PCDHA9: variants seen among roughly 807,000 people sequenced by gnomAD.
The protein encoded by PCDHA9 is protocadherin alpha-9.
A neutral mutation model predicts 62.0 loss-of-function variants in PCDHA9; 62 were observed. The observed-to-expected ratio is 1.00, with a 90% CI of 0.81 to 1.23. The LOEUF (loss-of-function observed/expected upper bound fraction) is 1.23, where lower values mean the gene tolerates loss of function less well. PCDHA9 is among the 50% of genes most tolerant of loss of function. PCDHA9 has a pLI of 0.00. For missense variants in PCDHA9, 1,205 were observed against 1,249.8 expected (o/e 0.96, Z 0.54); for synonymous variants, 557 against 567.6 (o/e 0.98, Z 0.27).
chr5:140,882,182 G>GACT (rs1284192603), intron 1 of PCDHA9: 2 of 1,518,394 alleles, frequency 1.3e-6, no homozygotes, highest in African/African-American at 2.8e-5. Flanking sequence ...TCCGCACTAG[G>GACT]AAGCCATAAA....
chr5:140,973,799 A>G (rs1470568019), intron 1 of PCDHA9, among the ~76,000 whole-genome samples: 1 of 152,254 alleles, frequency 6.6e-6, no homozygotes, highest in African/African-American at 2.4e-5. Flanking sequence ...CATGCTGTCT[A>G]CTTGACAGAA....
chr5:140,850,518 G>A lies in PCDHA9; in HGVS notation c.2023G>A (p.Ala675Thr). The change falls in exon 1 of 4, where the codon GCG becomes ACG. Residue 675 changes from alanine (A) to threonine (T), a missense_variant. By Grantham distance (58) the Ala-to-Thr change is moderately conservative. This residue lies in a region of PCDHA9 where 887 missense variants were observed against 809.5 expected (regional missense o/e 1.10). Coordinates refer to ENST00000532602, the MANE Select transcript of PCDHA9 (RefSeq NM_031857.2). ...GGTGTCGCTGGTGGAGAGCGGCCAGGCGCCAAAGTCATCGTCGCGGGCGTC... is the reference window on the plus strand; with the variant it reads ...GGTGTCGCTGGTGGAGAGCGGCCAGACGCCAAAGTCATCGTCGCGGGCGTC... ...VLVSLVESGQ[A>T]PKSSSRASVG... The A allele has an allele frequency of 6.3e-7, 1 of 1,598,310 alleles. No homozygotes were observed. The highest frequency in any genetic ancestry group is 1.1e-5 in the South Asian group (1 of 90,534).
intron 1 of PCDHA9, chr5:140,928,001 A>T (rs1252162846): frequency 6.2e-7 from 1 of 1,614,034 alleles, no homozygotes; most frequent in Non-Finnish European, 8.5e-7. Flanking sequence ...GAAGACCTCG[A>T]TTCTAATGGT....
Position 140,850,285 on chromosome 5 carries a change from T to G in PCDHA9, c.1790T>G (p.Val597Gly). The G allele has an allele frequency of 6.3e-7, 1 of 1,595,606 alleles. No individual in the cohort carries two copies. The highest frequency in any genetic ancestry group is 8.6e-7 in the Non-Finnish European group (1 of 1,167,540). The change falls in exon 1 of 4, where the codon GTG (valine) becomes GGG (glycine). Residue 597 changes from valine to glycine, a missense_variant. Physicochemically the swap from Val to Gly is moderately radical, Grantham distance 109. Transcript: ENST00000532602. ...AGVVVGKVRA[V>G]DADSGYNAWL... ...GTAGTGGTGGGGAAGGTGCGCGCAGTGGACGCCGACTCGGGCTACAACGCG... is the reference window on the plus strand; with the variant it reads ...GTAGTGGTGGGGAAGGTGCGCGCAGGGGACGCCGACTCGGGCTACAACGCG...
intron 1 of PCDHA9, among the ~76,000 whole-genome samples, chr5:140,879,038 AAGAT>A (rs2057824267): frequency 6.6e-6 from 1 of 152,380 alleles, no homozygotes; most frequent in Admixed American, 6.5e-5. Flanking sequence ...AGTGTCTTGA[AAGAT>A]AGACAACATT....
intron 1 of PCDHA9, among the ~76,000 whole-genome samples, chr5:140,942,993 AT>A (rs1228666837): frequency 3.3e-5 from 5 of 152,166 alleles, no homozygotes; most frequent in African/African-American, 1.2e-4. Context: ...GTGGTGGCTC[AT>A]GCCTGTAATC....
chr5:140,966,578 G>A, intron 1 of PCDHA9: 1 of 527,316 alleles, frequency 1.9e-6, no homozygotes, highest in Non-Finnish European at 3.1e-6. Context: ...GGGAGTCAGC[G>A]AGGACGGTGG....
chr5:141,000,361 G>C (rs1253295818), intron 3 of PCDHA9, among the ~76,000 whole-genome samples: 2 of 26,450 alleles, frequency 7.6e-5, no homozygotes, highest in Non-Finnish European at 1.2e-4. Context: ...GTCTCTCTCT[G>C]TCTCTCTCTC....
At chr5:140,924,901 A>AAAAATAAAAT (rs10667761) in intron 1 of PCDHA9, among the ~76,000 whole-genome samples, 205 of 80,488 alleles carry the variant, frequency 2.5e-3, no homozygotes, top group South Asian at 0.019. Flanking sequence ...TCTCAAAAAA[A>AAAAATAAAAT]AAAATAAAAT....
intron 1 of PCDHA9, chr5:140,851,535 G>T: frequency 1.1e-6 from 1 of 904,912 alleles, no homozygotes. Flanking sequence ...TGACAATGTA[G>T]ATAATTCAAG....
intron 1 of PCDHA9, chr5:140,882,310 A>G (rs2059059274): frequency 6.2e-7 from 1 of 1,613,930 alleles, no homozygotes; most frequent in Non-Finnish European, 8.5e-7. Context: ...CGCGGCAACT[A>G]CTGCTCTGGC....
intron 1 of PCDHA9, chr5:140,927,902 C>T (rs782319959): frequency 1.5e-5 from 25 of 1,614,182 alleles, no homozygotes; most frequent in Non-Finnish European, 2.1e-5. Flanking sequence ...AACGATCATG[C>T]CCCCGAACTG....
At chr5:140,949,721 A>G (rs1466646683) in intron 1 of PCDHA9, among the ~76,000 whole-genome samples, 1 of 151,690 alleles carries the variant, frequency 6.6e-6, no homozygotes, top group East Asian at 1.9e-4. Context: ...CATTTTGATA[A>G]TATCTGCTTT....
chr5:141,006,069 C>T (rs1588119997), intron 3 of PCDHA9, among the ~76,000 whole-genome samples: 1 of 148,482 alleles, frequency 6.7e-6, no homozygotes, highest in African/African-American at 2.5e-5. Flanking sequence ...AAATAAAAAT[C>T]AGATTATTGA....
chr5:140,925,640 G>GAA (rs1554202829), intron 1 of PCDHA9, among the ~76,000 whole-genome samples: 1 of 75,086 alleles, frequency 1.3e-5, no homozygotes, highest in Non-Finnish European at 2.8e-5. Context: ...AGAACTTAAA[G>GAA]TATAATAATA....
At chr5:140,882,558 G>C (rs782792864) in intron 1 of PCDHA9, 3 of 1,614,130 alleles carry the variant, frequency 1.9e-6, no homozygotes, top group African/African-American at 1.3e-5. Flanking sequence ...GAGCTGTGTG[G>C]GCGGAGCGCG....
intron 1 of PCDHA9, among the ~76,000 whole-genome samples, chr5:140,955,510 T>G (rs1554221967): frequency 6.6e-6 from 1 of 152,154 alleles, no homozygotes; most frequent in Non-Finnish European, 1.5e-5. Context: ...AAAGACGTGT[T>G]TGCTTTCCCT....
At chr5:140,883,830 A>G in intron 1 of PCDHA9, 5 of 1,612,532 alleles carry the variant, frequency 3.1e-6, no homozygotes, top group Non-Finnish European at 4.2e-6. Context: ...TACGCGCTGC[A>G]GCCGTTGGAC....
At chr5:140,968,591 G>A (rs1289458266) in intron 1 of PCDHA9, 3 of 1,614,098 alleles carry the variant, frequency 1.9e-6, no homozygotes, top group Non-Finnish European at 2.5e-6. Flanking sequence ...CAAAGTCATA[G>A]CTATGGACTC....
Sources: allele counts gnomAD v4.1 joint callset (sites outside exome capture counted in the v4.1 genomes callset), GRCh38; gene constraint gnomAD v4.1.1; regional missense constraint gnomAD v4.1.1; transcripts MANE v1.5; gene names NCBI Gene and HGNC (gene_info 2026-07-23, HGNC 2026-07-21).